Variants in GRID2 observed in about 807,000 individuals in gnomAD.
The protein encoded by GRID2 is glutamate ionotropic receptor delta type subunit 2, also known as glutamate receptor ionotropic, delta-2.
A neutral mutation model predicts 114.8 loss-of-function variants in GRID2; 33 were observed. The observed-to-expected ratio is 0.29, with a 90% confidence interval of 0.22 to 0.38. GRID2 has a LOEUF of 0.38. Ranked by LOEUF, GRID2 falls within the 10% of genes least tolerant of loss-of-function variation. The probability of loss-of-function intolerance (pLI) is 1.00; values close to 1 mark genes in which losing one functional copy is unlikely to be tolerated. For missense variants in GRID2, 1,184 were observed against 1,257.7 expected (o/e 0.94, Z 0.89); for synonymous variants, 505 against 449.9 (o/e 1.12, Z -1.55).
intron 2 of GRID2, among the ~76,000 whole-genome samples, chr4:92,879,945 A>ATATT (rs1367584484): frequency 6.6e-6 from 1 of 152,214 alleles, no homozygotes; most frequent in Non-Finnish European, 1.5e-5. Flanking sequence ...TAGCTTAAAT[A>ATATT]TAAGAATAAA....
rs190520026 is a variant in GRID2 at position 93,248,219 on chromosome 4, A to T, written c.1245+9729A>T. Among the ~76,000 whole-genome samples, 256 of 152,332 alleles carry T rather than the reference A, an allele frequency of 1.7e-3. 1 individual carries two copies. Among genetic ancestry groups the T allele is most frequent in the African/African-American group, 5.9e-3 (244 of 41,572 alleles). ...TAGTGGTAACTAATGTTCAGGACCCAGTACTATGGTAATAATTATTAAAAG... is the reference window on the plus strand; with the variant it reads ...TAGTGGTAACTAATGTTCAGGACCCTGTACTATGGTAATAATTATTAAAAG... On this transcript the variant is annotated intron_variant, in intron 8 of 15. Coordinates refer to ENST00000282020, the MANE Select transcript of GRID2 (RefSeq NM_001510.4).
chr4:93,685,333 A>G (rs980566640), intron 14 of GRID2, among the ~76,000 whole-genome samples: 1 of 152,020 alleles, frequency 6.6e-6, no homozygotes, highest in Non-Finnish European at 1.5e-5. Context: ...TATCAAAATC[A>G]TGTGCTGTTA....
chr4:92,690,442 T>C (rs1357124453), intron 2 of GRID2, among the ~76,000 whole-genome samples: 1 of 152,096 alleles, frequency 6.6e-6, no homozygotes, highest in African/African-American at 2.4e-5. Flanking sequence ...ATTACAGTAG[T>C]AACATCAAGA....
intron 2 of GRID2, among the ~76,000 whole-genome samples, chr4:92,812,386 A>G (rs1384875313): frequency 6.6e-6 from 1 of 152,070 alleles, no homozygotes; most frequent in East Asian, 1.9e-4. Flanking sequence ...CATTCTTTCC[A>G]TGGGAGGAGG....
intron 2 of GRID2, among the ~76,000 whole-genome samples, chr4:92,734,490 C>G (rs1197890749): frequency 6.6e-6 from 1 of 151,820 alleles, no homozygotes. Flanking sequence ...TGCTATGTTG[C>G]CCAAGTTGGT....
At chr4:93,016,531 A>G (rs1242946434) in intron 2 of GRID2, among the ~76,000 whole-genome samples, 1 of 152,144 alleles carries the variant, frequency 6.6e-6, no homozygotes, top group Non-Finnish European at 1.5e-5. Context: ...TACTCCATGC[A>G]CTGCCTCTCT....
chr4:93,616,801 G>T (rs970531165), intron 13 of GRID2, among the ~76,000 whole-genome samples: 3 of 151,340 alleles, frequency 2.0e-5, no homozygotes, highest in Non-Finnish European at 2.9e-5. Flanking sequence ...GACCATCCTG[G>T]CTAACATAGT....
chr4:93,421,803 G>A (rs927993953), intron 9 of GRID2, among the ~76,000 whole-genome samples: 2 of 149,368 alleles, frequency 1.3e-5, no homozygotes, highest in East Asian at 2.0e-4. Flanking sequence ...CAAAATGAAA[G>A]CATTATGAAG....
chr4:92,508,973 G>C (rs919176279), intron 1 of GRID2, among the ~76,000 whole-genome samples: 2 of 151,678 alleles, frequency 1.3e-5, no homozygotes, highest in African/African-American at 4.8e-5. Context: ...AGGCTTAGAC[G>C]GGAGGCACAC....
At chr4:93,462,317 C>G (rs925211153) in intron 11 of GRID2, among the ~76,000 whole-genome samples, 1 of 152,018 alleles carries the variant, frequency 6.6e-6, no homozygotes, top group Non-Finnish European at 1.5e-5. Flanking sequence ...CAAAATAAAC[C>G]ATTTCTGATG....
intron 2 of GRID2, among the ~76,000 whole-genome samples, chr4:92,894,622 C>G (rs1747030302): frequency 6.6e-6 from 1 of 152,100 alleles, no homozygotes; most frequent in Admixed American, 6.6e-5. Flanking sequence ...CTACTATGTA[C>G]TATATTGCTC....
chr4:92,757,784 C>T (rs190446010), intron 2 of GRID2, among the ~76,000 whole-genome samples: 4 of 151,502 alleles, frequency 2.6e-5, no homozygotes, highest in African/African-American at 9.7e-5. Flanking sequence ...GGCTAAAAAG[C>T]TGTGTTTTTG....
At chr4:93,328,880 C>T (rs373950451) in intron 8 of GRID2, among the ~76,000 whole-genome samples, 2 of 152,128 alleles carry the variant, frequency 1.3e-5, no homozygotes, top group Non-Finnish European at 2.9e-5. Flanking sequence ...TGGATGAAAT[C>T]GTCCAGGGAT....
At chr4:93,119,552 A>G (rs866321857) in intron 4 of GRID2, among the ~76,000 whole-genome samples, 3 of 152,140 alleles carry the variant, frequency 2.0e-5, no homozygotes, top group African/African-American at 7.2e-5. Context: ...TTTTTCTTCA[A>G]ATTTTCAGAA....
chr4:92,729,747 A>G (rs914790144), intron 2 of GRID2, among the ~76,000 whole-genome samples: 8 of 151,980 alleles, frequency 5.3e-5, no homozygotes, highest in Non-Finnish European at 1.2e-4. Context: ...CAAAACAGTG[A>G]TTCACCTTCA....
At chr4:93,787,186 G>A (rs993050580) in intron 1 of GRID2, among the ~76,000 whole-genome samples, 8 of 151,878 alleles carry the variant, frequency 5.3e-5, no homozygotes, top group East Asian at 1.9e-4. Flanking sequence ...AACCTGACCC[G>A]GAAGTAGTGC....
At chr4:92,447,579 A>G (rs1733537576) in intron 1 of GRID2, among the ~76,000 whole-genome samples, 1 of 152,202 alleles carries the variant, frequency 6.6e-6, no homozygotes, top group African/African-American at 2.4e-5. Flanking sequence ...ATCTTAGTCC[A>G]CTTGGGCTGC....
At chr4:93,074,419 G>A (rs1187248010) in intron 2 of GRID2, among the ~76,000 whole-genome samples, 1 of 152,160 alleles carries the variant, frequency 6.6e-6, no homozygotes, top group Non-Finnish European at 1.5e-5. Context: ...AAAGTAACTA[G>A]GGTTAATATG....
chr4:93,553,890 A>G (rs779195739), intron 13 of GRID2, among the ~76,000 whole-genome samples: 2 of 152,170 alleles, frequency 1.3e-5, no homozygotes, highest in Admixed American at 6.5e-5. Flanking sequence ...TGGATATTAT[A>G]CTTACTCAAC....
Sources: gnomAD v4.1 joint callset for allele counts (sites outside exome capture counted in the v4.1 genomes callset) on GRCh38, gnomAD v4.1.1 for gene constraint, MANE v1.5 for transcripts, NCBI Gene and HGNC (gene_info 2026-07-23, HGNC 2026-07-21) for gene names.